VEGFD: variants seen among roughly 807,000 people sequenced by gnomAD.
The protein encoded by VEGFD is vascular endothelial growth factor D.
A neutral mutation model predicts 28.0 loss-of-function variants in VEGFD; 26 were observed. The observed-to-expected ratio is 0.93, with a 90% CI of 0.68 to 1.29. The LOEUF (loss-of-function observed/expected upper bound fraction) is 1.29. VEGFD is among the 50% of genes most tolerant of loss of function. VEGFD has a pLI of 0.00. For synonymous variants in VEGFD, 93 were observed against 95.5 expected (o/e 0.97, Z 0.15); for missense variants, 294 against 273.4 (o/e 1.08, Z -0.53).
At chrX:15,362,531 C>T (rs907959521) in intron 2 of VEGFD, among the ~76,000 whole-genome samples, 2 of 111,244 alleles carry the variant, frequency 1.8e-5, no homozygotes, top group Admixed American at 1.9e-4. Flanking sequence ...ATCCTCCCAC[C>T]TCAGCCTCCC....
chrX:15,367,992 AAG>A (rs762102048), intron 1 of VEGFD, among the ~76,000 whole-genome samples: 1 of 90,557 alleles, frequency 1.1e-5, no homozygotes, highest in Non-Finnish European at 2.2e-5. Context: ...AAGAAAAAGA[AAG>A]AAAGAAAGAA....
At position 15,350,719 on chromosome X, in the gene VEGFD, C is replaced by CTCTTTCTT. The variant is rs59286152; in HGVS notation, c.742+2341_742+2348dup. 1.5e-4 allele frequency among the ~76,000 whole-genome samples: 16 copies of CTCTTTCTT among 106,746 alleles called. No individual in the cohort carries two copies. The South Asian group carries it at 2.5e-3, about 17-fold the overall frequency. The allele number at this position is 106,746 out of a possible 115,157, so 92.7% of individuals were successfully genotyped here. A position where few individuals can be genotyped will look rare whatever the true frequency, so the allele number is the denominator to read the frequency against. On this transcript the variant is annotated intron_variant, in intron 5 of 6. Transcript: ENST00000297904. The stretch of plus-strand genomic sequence containing the variant: ...CTTCCCACAGTAACTTACTTTCTTT[C>CTCTTTCTT]TCTTTCTTTCTTTCTATCCTTCCTT...
chrX:15,350,783 CTCTCTT>C (rs1358011633), intron 5 of VEGFD, among the ~76,000 whole-genome samples: 1 of 77,559 alleles, frequency 1.3e-5, no homozygotes, highest in Non-Finnish European at 2.5e-5. Flanking sequence ...CTTTCTTTCT[CTCTCTT>C]TCTTTTCTTT....
chrX:15,346,227 G>C lies in VEGFD; in HGVS notation c.971C>G (p.Pro324Arg). ...ACATGCTGTTTTGCCACTTGCACATGGTCTGGTATGAAAGGGGCATCTGTC... is the reference window on the plus strand; with the variant it reads ...ACATGCTGTTTTGCCACTTGCACATCGTCTGGTATGAAAGGGGCATCTGTC... ...CEDRCPFHTR[P>R]CASGKTACAK... The change falls in exon 7 of 7, where the codon CCA becomes CGA. Residue 324 changes from proline (P) to arginine (R), a missense_variant. Coordinates refer to ENST00000297904, the MANE Select transcript of VEGFD (RefSeq NM_004469.5). The C allele has an allele frequency of 8.3e-7, 1 of 1,210,230 alleles. No individual in the cohort carries two copies. The highest frequency in any genetic ancestry group is 1.7e-5 in the African/African-American group (1 of 57,779).
intron 6 of VEGFD, among the ~76,000 whole-genome samples, chrX:15,346,757 C>A (rs1317129567): frequency 3.6e-5 from 4 of 111,096 alleles, no homozygotes; most frequent in African/African-American, 6.6e-5. Context: ...CATGGTGAAA[C>A]CCCGTCTCTA....
At chrX:15,368,163 A>C (rs1425591531) in intron 1 of VEGFD, among the ~76,000 whole-genome samples, 3 of 110,340 alleles carry the variant, frequency 2.7e-5, no homozygotes, top group African/African-American at 9.9e-5. Flanking sequence ...AGAAAGAAAG[A>C]AAGAAAAGAA....
chrX:15,374,661 T>C (rs1026532931), intron 1 of VEGFD, among the ~76,000 whole-genome samples: 9 of 111,523 alleles, frequency 8.1e-5, no homozygotes, highest in African/African-American at 2.9e-4. Context: ...GTTGTGGTTA[T>C]ATAAATCTAT....
rs1922536902 is a variant in VEGFD at position 15,346,050 on chromosome X, A to G, written c.*83T>C. 9.1e-7 allele frequency: 1 copy of G among 1,102,395 alleles called. No individual in the cohort carries two copies. The highest frequency in any genetic ancestry group is 1.2e-6 in the Non-Finnish European group (1 of 820,309). 90.8% of individuals were successfully genotyped at this position (1,102,395 alleles called of 1,213,427 possible). A position where few individuals can be genotyped will look rare whatever the true frequency, so the allele number is the denominator to read the frequency against. On this transcript the variant is annotated 3_prime_UTR_variant, in exon 7 of 7. Coordinates refer to ENST00000297904, the MANE Select transcript of VEGFD (RefSeq NM_004469.5). ...GTGTAAAATGGATTTTTTTTTTAACACCTGGGAAAAAAACAGTGACAGCAA... is the reference window on the plus strand; with the variant it reads ...GTGTAAAATGGATTTTTTTTTTAACGCCTGGGAAAAAAACAGTGACAGCAA...
In VEGFD at chrX:15,351,317, C is replaced by CA. The variant is rs746660954; in HGVS notation, c.742+1750dup. ...TGTATTTTTAGTAGAGACGGGGTTT[C>CA]ACCGTTTTAGCCAGGATGGTCTCAA... is the stretch of plus-strand genomic sequence containing the variant. On this transcript the variant is annotated intron_variant, in intron 5 of 6. Transcript: ENST00000297904. 5.7e-5 allele frequency among the ~76,000 whole-genome samples: 6 copies of CA among 105,407 alleles called. No homozygotes were observed. The South Asian group carries it at 2.6e-3, about 45-fold the overall frequency. The allele number at this position is 105,407 out of a possible 115,157, so 91.5% of individuals were successfully genotyped here.
Position 15,383,889 on chromosome X carries a change from G to A in VEGFD, c.58C>T (p.Gln20Ter). The change falls in exon 1 of 7, where the codon CAG becomes TAG. Residue 20 changes from glutamine (Q) to a stop codon, truncating the protein, a stop_gained. Transcript: ENST00000297904. LOFTEE classifies it high-confidence loss of function. ...GGTCCATGTTCATTACTGGAGCCCT[G>A]CACCAGCTGGACGTACAACATCATG... is the stretch of plus-strand genomic sequence containing the variant. ...VFMMLYVQLV[Q>*]GSSNEHGPVK... 1 of 1,209,813 alleles carries A rather than the reference G, an allele frequency of 8.3e-7. No homozygotes were observed. Among genetic ancestry groups the A allele is most frequent in the Non-Finnish European group, 1.1e-6 (1 of 893,700 alleles).
At chrX:15,349,419 G>A (rs1323938465) in intron 5 of VEGFD, among the ~76,000 whole-genome samples, 2 of 112,150 alleles carry the variant, frequency 1.8e-5, no homozygotes, top group East Asian at 5.6e-4. Flanking sequence ...GGAACAGCAA[G>A]TAGCTGAGGG....
rs1922579337 is a variant in VEGFD at position 15,347,317 on chromosome X, A to G, written c.785T>C (p.Met262Thr). Reference sequence around the variant, plus strand: ...CTCGCAACGATCTTCGTCAAACATCATGTGTGGCCCACAGAGAGCTGGTTC... The same window carrying G: ...CTCGCAACGATCTTCGTCAAACATCGTGTGTGGCCCACAGAGAGCTGGTTC... ...LQEPALCGPH[M>T]MFDEDRCECV... Residue 262 changes from methionine (M) to threonine (T), a missense_variant, in exon 6 of 7, where the codon ATG (methionine) becomes ACG (threonine). Met to Thr is a moderately conservative substitution (Grantham distance 81, BLOSUM62 -1). Coordinates refer to ENST00000297904, the MANE Select transcript of VEGFD (RefSeq NM_004469.5). The G allele has an allele frequency of 2.5e-6, 3 of 1,211,102 alleles. 1 individual carries two copies.
intron 1 of VEGFD, 72 bp from the exon 2 acceptor site, chrX:15,363,391 C>A: frequency 1.1e-6 from 1 of 871,712 alleles, no homozygotes; most frequent in South Asian, 2.4e-5. Context: ...ATCTTCATTT[C>A]TGACACTTAG....
At chrX:15,353,420 G>T (rs940320303) in intron 4 of VEGFD, among the ~76,000 whole-genome samples, 3 of 112,488 alleles carry the variant, frequency 2.7e-5, no homozygotes, top group Non-Finnish European at 5.6e-5. Context: ...ACCACAAAAT[G>T]ATAAGGATGT....
At chrX:15,348,874 A>G (rs1323320449) in intron 5 of VEGFD, among the ~76,000 whole-genome samples, 1 of 112,656 alleles carries the variant, frequency 8.9e-6, no homozygotes, top group Non-Finnish European at 1.9e-5. Context: ...TTGGTGTAAT[A>G]AAAGGGTCCT....
chrX:15,371,499 GTCTTAA>G (rs1412458376), intron 1 of VEGFD, among the ~76,000 whole-genome samples: 2 of 111,562 alleles, frequency 1.8e-5, no homozygotes, highest in African/African-American at 6.5e-5. Context: ...CCATGTTTCT[GTCTTAA>G]TCTTAAACCT....
chrX:15,376,749 T>C (rs1202410057), intron 1 of VEGFD, among the ~76,000 whole-genome samples: 1 of 112,181 alleles, frequency 8.9e-6, no homozygotes, highest in African/African-American at 3.2e-5. Context: ...AATGTACTTA[T>C]AAACGAAGCA....
intron 1 of VEGFD, among the ~76,000 whole-genome samples, chrX:15,366,300 G>A (rs1297601783): frequency 8.9e-6 from 1 of 112,170 alleles, no homozygotes; most frequent in African/African-American, 3.2e-5. Flanking sequence ...GTGAGCCACT[G>A]CGCCCTGCCC....
In VEGFD at chrX:15,345,665, A is replaced by G. The variant is rs2147732367; in HGVS notation, c.*468T>C. ...TGAAACATCAGATGGTAGTTCATTA[A>G]ACTGGAAGACTATAAGCTGGACAGT... On this transcript the variant is annotated 3_prime_UTR_variant, in exon 7 of 7. Coordinates refer to ENST00000297904, the MANE Select transcript of VEGFD (RefSeq NM_004469.5). 1 of 113,894 alleles carries G rather than the reference A, an allele frequency of 8.8e-6. No homozygotes were observed. Among genetic ancestry groups the G allele is most frequent in the Admixed American group, 9.2e-5 (1 of 10,813 alleles). 9.4% of individuals were successfully genotyped at this position (113,894 alleles called of 1,213,427 possible).
Sources: allele counts gnomAD v4.1 joint callset (sites outside exome capture counted in the v4.1 genomes callset), GRCh38; gene constraint gnomAD v4.1.1; transcripts MANE v1.5; gene names NCBI Gene and HGNC (gene_info 2026-07-23, HGNC 2026-07-21).